The following PLEKHA5 variants were observed in gnomAD, a reference collection of about 807,000 sequenced individuals.
The protein encoded by PLEKHA5 is pleckstrin homology domain-containing family A member 5.
Under a neutral mutation model 181.9 loss-of-function variants are expected in PLEKHA5, and 55 were observed. That is an observed-to-expected ratio of 0.30 (90% CI 0.24 to 0.38). PLEKHA5 has a LOEUF of 0.38. Among genes scored for constraint, PLEKHA5 ranks in the 10% least tolerant of loss-of-function variants. The probability of loss-of-function intolerance (pLI) is 1.00; values close to 1 mark genes in which losing one functional copy is unlikely to be tolerated. For missense variants in PLEKHA5, 1,432 were observed against 1,549.5 expected (o/e 0.92, Z 1.27); for synonymous variants, 535 against 529.4 (o/e 1.01, Z -0.15).
intron 15 of PLEKHA5, among the ~76,000 whole-genome samples, chr12:19,310,207 C>G (rs1335153106): frequency 6.6e-6 from 1 of 152,198 alleles, no homozygotes; most frequent in Admixed American, 6.5e-5. Flanking sequence ...AGTCTTTCCT[C>G]TGATTCCTTA....
intron 3 of PLEKHA5, chr12:19,200,317 C>A (rs1482797257): frequency 6.6e-7 from 1 of 1,525,972 alleles, no homozygotes; most frequent in East Asian, 2.5e-5. Flanking sequence ...TATCCTTTAT[C>A]CTTCCAGCTG....
intron 3 of PLEKHA5, among the ~76,000 whole-genome samples, chr12:19,195,576 G>A (rs2052479421): frequency 1.3e-5 from 2 of 151,226 alleles, no homozygotes; most frequent in South Asian, 4.2e-4. Flanking sequence ...GGGCTGAGGT[G>A]GGAAGATTGA....
chr12:19,327,200 T>A lies in PLEKHA5; in HGVS notation c.2448+4533T>A, dbSNP rs374187203. ...AACTAATTTATATCTCCACTCACTG[T>A]GTATAAGCATTTCCTTTTCTCTGCA... is the stretch of plus-strand genomic sequence containing the variant. On this transcript the variant is annotated intron_variant, in intron 20 of 31. Coordinates refer to ENST00000429027, the MANE Select transcript of PLEKHA5 (RefSeq NM_001256470.2). Among the ~76,000 whole-genome samples, 13 of 152,212 alleles carry A rather than the reference T, an allele frequency of 8.5e-5. No individual in the cohort carries two copies. In the East Asian group the frequency reaches 2.5e-3, roughly 29 times the overall value.
At chr12:19,311,501 C>A (rs565583019) in intron 15 of PLEKHA5, among the ~76,000 whole-genome samples, 15 of 151,574 alleles carry the variant, frequency 9.9e-5, no homozygotes, top group South Asian at 2.1e-4. Flanking sequence ...AACTCTGCTG[C>A]TGCTTTATCA....
intron 3 of PLEKHA5, among the ~76,000 whole-genome samples, chr12:19,204,104 A>G (rs1220328678): frequency 6.6e-6 from 1 of 151,942 alleles, no homozygotes; most frequent in Non-Finnish European, 1.5e-5. Context: ...TTACCTTCCC[A>G]CACCCTCCAT....
chr12:19,235,058 A>G (rs1157242420), intron 3 of PLEKHA5, among the ~76,000 whole-genome samples: 2 of 152,154 alleles, frequency 1.3e-5, no homozygotes, highest in African/African-American at 4.8e-5. Flanking sequence ...TTAAACTTGA[A>G]CATATTTGAA....
intron 31 of PLEKHA5, chr12:19,372,013 T>G (rs79587600): frequency 2.6e-5 from 4 of 152,324 alleles, no homozygotes; most frequent in Non-Finnish European, 2.9e-5. Context: ...TCTTTTTTTT[T>G]GTTTTTGAGA....
intron 3 of PLEKHA5, among the ~76,000 whole-genome samples, chr12:19,185,421 C>CT (rs2049604650): frequency 6.6e-6 from 1 of 151,892 alleles, no homozygotes; most frequent in Admixed American, 6.6e-5. Context: ...GGATTTGAAG[C>CT]TGTAAAGATG....
rs186119855 is a variant in PLEKHA5 at position 19,332,942 on chromosome 12, C to T, written c.2449-3573C>T. Among the ~76,000 whole-genome samples, 197 of 152,320 alleles carry T rather than the reference C, an allele frequency of 1.3e-3. 3 individuals carry two copies. Among genetic ancestry groups the T allele is most frequent in the African/African-American group, 4.6e-3 (191 of 41,564 alleles). ...AACTGCTGGGATTACAGGCATGAGC[C>T]ACTGCACTCAGTCTTGAACTTTATG... On this transcript the variant is annotated intron_variant, in intron 20 of 31. Transcript: ENST00000429027.
rs550188247 is a variant in PLEKHA5 at position 19,333,885 on chromosome 12, A to G, written c.2449-2630A>G. On this transcript the variant is annotated intron_variant, in intron 20 of 31. Coordinates refer to ENST00000429027, the MANE Select transcript of PLEKHA5 (RefSeq NM_001256470.2). ...CAGCCTCCCAGAGTGCTGAGATTAC[A>G]GGCGTGAGCCACCGCACCTGGCCTT... Among the ~76,000 whole-genome samples the G allele has an allele frequency of 2.0e-5, 3 of 152,222 alleles. No individual in the cohort carries two copies. The East Asian group carries it at 5.8e-4, about 30-fold the overall frequency.
chr12:19,201,534 T>C (rs1281495963), intron 3 of PLEKHA5: 1 of 152,122 alleles, frequency 6.6e-6, no homozygotes, highest in Admixed American at 6.6e-5. Flanking sequence ...AAAATGTTGA[T>C]AGCATTATTC....
At chr12:19,186,014 A>G (rs746557336) in intron 3 of PLEKHA5, among the ~76,000 whole-genome samples, 2 of 152,182 alleles carry the variant, frequency 1.3e-5, no homozygotes, top group East Asian at 1.9e-4. Flanking sequence ...CTGTCTCTCT[A>G]GGCTTATAAA....
intron 20 of PLEKHA5, among the ~76,000 whole-genome samples, chr12:19,331,043 A>G (rs948635715): frequency 6.6e-6 from 1 of 152,200 alleles, no homozygotes; most frequent in African/African-American, 2.4e-5. Flanking sequence ...AAATGAATTG[A>G]CATTTCTTAA....
intron 18 of PLEKHA5, among the ~76,000 whole-genome samples, chr12:19,321,355 CT>C (rs1181594782): frequency 2.8e-5 from 2 of 70,338 alleles, no homozygotes; most frequent in Non-Finnish European, 7.0e-5. Context: ...CTTTTCTTTT[CT>C]TTTCTTTTTT....
At chr12:19,222,854 A>G (rs934586951) in intron 3 of PLEKHA5, among the ~76,000 whole-genome samples, 2 of 152,028 alleles carry the variant, frequency 1.3e-5, no homozygotes, top group African/African-American at 2.4e-5. Context: ...TGAACACCAC[A>G]CTTCGGGGGG....
intron 5 of PLEKHA5, among the ~76,000 whole-genome samples, chr12:19,256,946 G>C (rs954853973): frequency 6.6e-6 from 1 of 152,108 alleles, no homozygotes; most frequent in African/African-American, 2.4e-5. Context: ...TTCCTGTCCT[G>C]TTTTGACTTG....
Position 19,330,433 on chromosome 12 carries a change from A to G in PLEKHA5, c.2449-6082A>G, listed in dbSNP as rs371084272. 2.2e-4 allele frequency among the ~76,000 whole-genome samples: 33 copies of G among 152,274 alleles called. 1 individual carries two copies. The highest frequency in any genetic ancestry group is 1.5e-3 in the East Asian group (8 of 5,184). ...GTGTTTCAAGTCGAGGCTAAGTGAA[A>G]AAATAATAATAAAACGTAAACATCT... On this transcript the variant is annotated intron_variant, in intron 20 of 31. Transcript: ENST00000429027.
intron 3 of PLEKHA5, among the ~76,000 whole-genome samples, chr12:19,234,292 T>TA (rs1565498084): frequency 1.3e-5 from 2 of 152,202 alleles, no homozygotes; most frequent in African/African-American, 4.8e-5. Flanking sequence ...GGTTGTGTTA[T>TA]AATGATCTGT....
rs183888816 is a variant in PLEKHA5, at chr12:19,287,473, C to T, written c.1780C>T (p.His594Tyr). ...TTACATTGTGCCTTTACTTTCCTAG[C>T]ATGTCTATGTGCCTGACAGAAGGTC... ...DRRHRAHHPK[H>Y]VYVPDRRSVP... The change falls in exon 13 of 32, where the codon CAT (histidine) becomes TAT (tyrosine). Residue 594 changes from histidine to tyrosine, a missense_variant and splice_region_variant. By Grantham distance (83) the His-to-Tyr change is moderately conservative. Around this residue, in one of 2 missense-constraint regions of PLEKHA5, gnomAD observed 1,143 missense variants for 1,168.4 expected, o/e 0.98. Transcript: ENST00000429027. 8.8e-6 allele frequency: 14 copies of T among 1,598,204 alleles called. No individual in the cohort carries two copies. The highest frequency in any genetic ancestry group is 1.2e-5 in the Non-Finnish European group (14 of 1,168,538).
Sources: allele counts gnomAD v4.1 joint callset (sites outside exome capture counted in the v4.1 genomes callset), GRCh38; gene constraint gnomAD v4.1.1; regional missense constraint gnomAD v4.1.1; transcripts MANE v1.5; gene names NCBI Gene and HGNC (gene_info 2026-07-23, HGNC 2026-07-21).